Variants in PPARGC1A observed in about 807,000 individuals in gnomAD.
PPARGC1A encodes the protein PPARG coactivator 1 alpha.
In PPARGC1A, 25 loss-of-function variants were observed where a neutral mutation model predicts 88.7. That is an observed-to-expected ratio of 0.28 (90% CI 0.21 to 0.39). PPARGC1A has a LOEUF of 0.39. PPARGC1A is among the 10% of genes least tolerant of loss of function. The pLI, the probability that PPARGC1A is intolerant of heterozygous loss-of-function variation, is 1.00. For missense variants in PPARGC1A, 880 were observed against 968.7 expected (o/e 0.91, Z 1.22); for synonymous variants, 363 against 355.6 (o/e 1.02, Z -0.24).
chr4:24,387,770 A>AGAGAGAG, the PPARGC1A span, among the ~76,000 whole-genome samples: 387 of 58,690 alleles, frequency 6.6e-3, 3 homozygotes, highest in Non-Finnish European at 8.4e-3. Flanking sequence ...GAGAGAGAGA[A>AGAGAGAG]AGAAAGAAAG....
chr4:24,338,994 T>C, the PPARGC1A span, among the ~76,000 whole-genome samples: 108 of 152,156 alleles, frequency 7.1e-4, no homozygotes, highest in Middle Eastern at 6.8e-3. Context: ...TCCATTCATA[T>C]TGCTTTCAAC....
At chr4:24,362,279 C>T in the PPARGC1A span, among the ~76,000 whole-genome samples, 1 of 152,038 alleles carries the variant, frequency 6.6e-6, no homozygotes, top group African/African-American at 2.4e-5. Context: ...TTCCAGATTC[C>T]TGTATCAATT....
chr4:24,289,854 ACTG>A, the PPARGC1A span, among the ~76,000 whole-genome samples: 1 of 152,038 alleles, frequency 6.6e-6, no homozygotes, highest in African/African-American at 2.4e-5. Context: ...CTGTTCTCAC[ACTG>A]CTAATAAAGG....
the PPARGC1A span, among the ~76,000 whole-genome samples, chr4:24,181,379 T>A: frequency 6.6e-6 from 1 of 152,194 alleles, no homozygotes; most frequent in South Asian, 2.1e-4. Context: ...CACGAATAGA[T>A]AGGATAATAT....
At chr4:24,222,323 C>T in the PPARGC1A span, among the ~76,000 whole-genome samples, 1 of 152,304 alleles carries the variant, frequency 6.6e-6, no homozygotes, top group Non-Finnish European at 1.5e-5. Flanking sequence ...GTCTCAAAGC[C>T]AGGATGCATC....
At chr4:23,856,876 G>C (rs964474886) in intron 2 of PPARGC1A, among the ~76,000 whole-genome samples, 2 of 151,448 alleles carry the variant, frequency 1.3e-5, no homozygotes, top group African/African-American at 4.9e-5. Flanking sequence ...TTTGAATCTT[G>C]ACCAGCATGC....
the PPARGC1A span, among the ~76,000 whole-genome samples, chr4:23,913,263 TATATAGAGAGAGAGAGAGAGAG>T: frequency 0.02 from 1,125 of 56,056 alleles, 18 homozygotes; most frequent in African/African-American, 0.075. Context: ...TATATATATA[TATATAGAGAGAGAGAGAGAGAG>T]AGAGAGAGAG....
chr4:24,034,659 T>A, the PPARGC1A span, among the ~76,000 whole-genome samples: 1 of 152,196 alleles, frequency 6.6e-6, no homozygotes, highest in South Asian at 2.1e-4. Flanking sequence ...AACAGGTATA[T>A]CATGATTAAT....
chr4:24,221,107 C>G, the PPARGC1A span, among the ~76,000 whole-genome samples: 1,077 of 152,148 alleles, frequency 7.1e-3, 38 homozygotes, highest in East Asian at 0.11. Context: ...TTTTAGAAGA[C>G]AGGGAATAAC....
the PPARGC1A span, among the ~76,000 whole-genome samples, chr4:24,195,340 C>A: frequency 6.6e-6 from 1 of 152,042 alleles, no homozygotes; most frequent in African/African-American, 2.4e-5. Context: ...AAAAAGTAAC[C>A]CTCAAATGGT....
chr4:24,114,162 C>A, the PPARGC1A span, among the ~76,000 whole-genome samples: 1 of 150,314 alleles, frequency 6.7e-6, no homozygotes. Flanking sequence ...TGGAAAGAAC[C>A]CTGGGTTCCA....
At chr4:24,198,802 C>T in the PPARGC1A span, among the ~76,000 whole-genome samples, 1 of 152,196 alleles carries the variant, frequency 6.6e-6, no homozygotes, top group Non-Finnish European at 1.5e-5. Flanking sequence ...TGTGGGCAAT[C>T]AGAACCCAGC....
intron 2 of PPARGC1A, among the ~76,000 whole-genome samples, chr4:23,869,388 A>T (rs1712778657): frequency 6.6e-6 from 1 of 152,100 alleles, no homozygotes; most frequent in Non-Finnish European, 1.5e-5. Flanking sequence ...TTTGAATATT[A>T]ATGAAGGGTT....
the PPARGC1A span, among the ~76,000 whole-genome samples, chr4:23,956,015 G>C: frequency 1.3e-5 from 2 of 152,046 alleles, no homozygotes; most frequent in Non-Finnish European, 2.9e-5. Context: ...CAGTGAACAG[G>C]CATGGCTATC....
chr4:24,070,767 AAAC>A, the PPARGC1A span, among the ~76,000 whole-genome samples: 1 of 152,212 alleles, frequency 6.6e-6, no homozygotes, highest in African/African-American at 2.4e-5. Flanking sequence ...TAATGGTTAA[AAAC>A]AATATTTAAA....
the PPARGC1A span, among the ~76,000 whole-genome samples, chr4:24,075,902 C>G: frequency 1.3e-5 from 2 of 152,114 alleles, no homozygotes; most frequent in African/African-American, 2.4e-5. Context: ...GAGCTAGGAC[C>G]AGGTTCTGAC....
chr4:24,397,221 T>C, the PPARGC1A span, among the ~76,000 whole-genome samples: 1 of 152,210 alleles, frequency 6.6e-6, no homozygotes. Flanking sequence ...AAACTTATTA[T>C]ACCCAGCGTT....
chr4:23,933,128 G>A, the PPARGC1A span, among the ~76,000 whole-genome samples: 1 of 152,290 alleles, frequency 6.6e-6, no homozygotes, highest in South Asian at 2.1e-4. Context: ...TGAAAGCTCT[G>A]TGAATTTTTT....
intron 8 of PPARGC1A, 64 bp downstream of exon 8, chr4:23,813,626 T>C: frequency 7.3e-7 from 1 of 1,377,258 alleles, no homozygotes; most frequent in Admixed American, 2.4e-5. Context: ...TTTATTTGTA[T>C]TTTATTTTAT....
Sources: gnomAD v4.1 joint callset for allele counts (sites outside exome capture counted in the v4.1 genomes callset) on GRCh38, gnomAD v4.1.1 for gene constraint, MANE v1.5 for transcripts, NCBI Gene and HGNC (gene_info 2026-07-23, HGNC 2026-07-21) for gene names.